PACRG: variants seen among roughly 807,000 people sequenced by gnomAD.
PACRG encodes parkin coregulated.
PACRG carries 29 observed loss-of-function variants against 29.7 expected under a neutral mutation model. The ratio of observed to expected loss-of-function variants is 0.98; its 90% CI spans 0.73 to 1.33. PACRG has a LOEUF of 1.33. Ranked by LOEUF, PACRG falls within the 40% of genes most tolerant of loss-of-function variation. The pLI, the probability that PACRG is intolerant of heterozygous loss-of-function variation, is 0.00. For missense variants in PACRG, 279 were observed against 316.2 expected, an observed-to-expected ratio of 0.88 and a Z score of 0.89; for synonymous variants, 116 against 118.7, an observed-to-expected ratio of 0.98 and a Z score of 0.15.
At chr6:162,867,208 C>A (rs1417119475) in intron 2 of PACRG, among the ~76,000 whole-genome samples, 2 of 152,182 alleles carry the variant, frequency 1.3e-5, no homozygotes, top group Non-Finnish European at 2.9e-5. Flanking sequence ...CCTTGGCACC[C>A]AATTAAAACA....
chr6:163,177,341 T>C (rs1238606878), intron 4 of PACRG, among the ~76,000 whole-genome samples: 2 of 152,096 alleles, frequency 1.3e-5, no homozygotes, highest in Non-Finnish European at 2.9e-5. Flanking sequence ...TTCGAGCATG[T>C]CCATTTGAGA....
chr6:162,762,275 GAATGGA>G (rs1450436294), intron 1 of PACRG, among the ~76,000 whole-genome samples: 5 of 152,186 alleles, frequency 3.3e-5, no homozygotes, highest in Admixed American at 6.5e-5. Flanking sequence ...AGCAGGTTGA[GAATGGA>G]AATCCTTTTA....
chr6:163,047,560 T>G (rs1809525409), intron 2 of PACRG, among the ~76,000 whole-genome samples: 1 of 152,206 alleles, frequency 6.6e-6, no homozygotes, highest in African/African-American at 2.4e-5. Flanking sequence ...AAAGGTTAAG[T>G]GTGCATAAAT....
chr6:162,976,307 C>T (rs1801951497), intron 2 of PACRG, among the ~76,000 whole-genome samples: 1 of 152,194 alleles, frequency 6.6e-6, no homozygotes, highest in African/African-American at 2.4e-5. Flanking sequence ...AAAGAGTGGA[C>T]TGCAGCTGAA....
intron 2 of PACRG, among the ~76,000 whole-genome samples, chr6:162,893,933 ACAAT>A (rs2128044848): frequency 6.6e-6 from 1 of 152,354 alleles, no homozygotes; most frequent in South Asian, 2.1e-4. Context: ...TCTTAGTGGC[ACAAT>A]CAATCACGAA....
At chr6:162,767,853 C>T (rs1782919541) in intron 1 of PACRG, among the ~76,000 whole-genome samples, 3 of 151,976 alleles carry the variant, frequency 2.0e-5, no homozygotes, top group South Asian at 2.1e-4. Context: ...CACATATTTT[C>T]CTTAATAAAA....
chr6:162,914,924 G>T (rs933144240), intron 2 of PACRG, among the ~76,000 whole-genome samples: 1 of 151,944 alleles, frequency 6.6e-6, no homozygotes, highest in African/African-American at 2.4e-5. Flanking sequence ...ATTTCTAGTT[G>T]TAATTCTATA....
intron 2 of PACRG, among the ~76,000 whole-genome samples, chr6:162,960,589 T>TA (rs1800527992): frequency 6.6e-6 from 1 of 152,148 alleles, no homozygotes; most frequent in Admixed American, 6.6e-5. Context: ...GGACAACTGA[T>TA]ACTGCAGACT....
Position 163,062,207 on chromosome 6 carries a change from T to C in PACRG, c.349T>C (p.Cys117Arg), listed in dbSNP as rs1811153222. 6.2e-7 allele frequency: 1 copy of C among 1,614,112 alleles called. No homozygotes were observed. The highest frequency in any genetic ancestry group is 1.7e-5 in the Admixed American group (1 of 60,014). ...TCTGCCTCTGTTTTTTGATGGGCTT[T>C]GTGAAATGACATTTCCCTATGAGTT... Reference protein sequence around the residue: ...HYLPLFFDGLCEMTFPYEFFA... With the variant: ...HYLPLFFDGLREMTFPYEFFA... Residue 117 changes from cysteine (C) to arginine (R), a missense_variant, in exon 3 of 5, where the codon TGT (cysteine) becomes CGT (arginine). Physicochemically the swap from Cys to Arg is radical, Grantham distance 180. Transcript: ENST00000366888.
At chr6:163,227,191 T>G (rs1380837313) in intron 4 of PACRG, among the ~76,000 whole-genome samples, 1 of 152,182 alleles carries the variant, frequency 6.6e-6, no homozygotes, top group Non-Finnish European at 1.5e-5. Context: ...TGCCATCTGC[T>G]TCCCAGGAGG....
chr6:163,166,260 G>T (rs1778804660), intron 4 of PACRG: 1 of 438,180 alleles, frequency 2.3e-6, no homozygotes. Flanking sequence ...TGTTCCATTT[G>T]CCCTGCTCAA....
intron 2 of PACRG, among the ~76,000 whole-genome samples, chr6:162,846,141 G>A (rs77778393): frequency 0.014 from 2,205 of 152,210 alleles, 54 homozygotes; most frequent in African/African-American, 0.05. Context: ...GAGCTGGGCA[G>A]GGCTGTCAGG....
intron 4 of PACRG, among the ~76,000 whole-genome samples, chr6:163,201,906 T>A (rs1270950907): frequency 3.3e-5 from 5 of 152,120 alleles, no homozygotes; most frequent in Non-Finnish European, 7.4e-5. Flanking sequence ...CCTCACACGG[T>A]GGTGGCCAAC....
intron 1 of PACRG, among the ~76,000 whole-genome samples, chr6:162,771,570 G>A (rs573280550): frequency 3.3e-5 from 5 of 151,798 alleles, no homozygotes; most frequent in East Asian, 3.9e-4. Context: ...AAGACCAGGT[G>A]TATTTTGTAC....
chr6:162,980,190 G>T (rs58056651), intron 2 of PACRG, among the ~76,000 whole-genome samples: 1 of 141,078 alleles, frequency 7.1e-6, no homozygotes, highest in Admixed American at 7.0e-5. Context: ...ACACACACAC[G>T]CACACACACA....
chr6:162,988,188 G>A (rs1363985058), intron 2 of PACRG, among the ~76,000 whole-genome samples: 1 of 152,188 alleles, frequency 6.6e-6, no homozygotes, highest in Non-Finnish European at 1.5e-5. Flanking sequence ...GGAGCTGCAT[G>A]TTAGCCCTGT....
chr6:163,158,612 A>G (rs1284846567), intron 4 of PACRG, among the ~76,000 whole-genome samples: 5 of 152,208 alleles, frequency 3.3e-5, no homozygotes, highest in African/African-American at 1.2e-4. Context: ...TGTGTTTTAA[A>G]TTATTTTTAA....
At chr6:163,229,980 A>C (rs1374916615) in intron 4 of PACRG, among the ~76,000 whole-genome samples, 1 of 152,218 alleles carries the variant, frequency 6.6e-6, no homozygotes, top group Non-Finnish European at 1.5e-5. Context: ...GCATTGAAAT[A>C]AATAATAAAA....
intron 4 of PACRG, among the ~76,000 whole-genome samples, chr6:163,121,419 C>T (rs1816261324): frequency 6.6e-6 from 1 of 152,022 alleles, no homozygotes; most frequent in Admixed American, 6.6e-5. Context: ...ATCTGTCTAC[C>T]TCGGGGCTTC....
Sources: gnomAD v4.1 joint callset for allele counts (sites outside exome capture counted in the v4.1 genomes callset) on GRCh38, gnomAD v4.1.1 for gene constraint, MANE v1.5 for transcripts, NCBI Gene and HGNC (gene_info 2026-07-23, HGNC 2026-07-21) for gene names.